Variants in ZFR observed in about 807,000 individuals in gnomAD.
The protein encoded by ZFR is zinc finger RNA-binding protein.
In ZFR, 19 loss-of-function variants were observed where a neutral mutation model predicts 130.7. That is an observed-to-expected ratio of 0.15 (90% CI 0.10 to 0.21). The LOEUF (loss-of-function observed/expected upper bound fraction) is 0.21. Among genes scored for constraint, ZFR ranks in the 10% least tolerant of loss-of-function variants. ZFR has a pLI of 1.00. For synonymous variants in ZFR, 466 were observed against 456.9 expected, an observed-to-expected ratio of 1.02 and a Z score of -0.25; for missense variants, 872 against 1,321.5, an observed-to-expected ratio of 0.66 and a Z score of 5.27.
intron 12 of ZFR, among the ~76,000 whole-genome samples, chr5:32,389,922 G>C (rs1036200316): frequency 6.6e-6 from 1 of 152,192 alleles, no homozygotes. Context: ...AGGCCCAGGC[G>C]GACGGATCTC....
At chr5:32,387,374 A>C (rs1309863529) in intron 14 of ZFR, among the ~76,000 whole-genome samples, 175 bp downstream of exon 14, 1 of 152,206 alleles carries the variant, frequency 6.6e-6, no homozygotes, top group Non-Finnish European at 1.5e-5. Context: ...AAACCTAAAA[A>C]AGATGAAGTA....
intron 4 of ZFR, among the ~76,000 whole-genome samples, chr5:32,416,380 C>T (rs951406906): frequency 3.3e-5 from 5 of 151,982 alleles, no homozygotes; most frequent in East Asian, 1.9e-4. Flanking sequence ...TTTGGGAGGC[C>T]GAAGCGGGCA....
intron 15 of ZFR, 50 bp downstream of exon 15, chr5:32,385,458 A>T: frequency 6.3e-7 from 1 of 1,598,766 alleles, no homozygotes; most frequent in Non-Finnish European, 8.5e-7. Flanking sequence ...AAGAGTAGAT[A>T]AATGAAAAAA....
chr5:32,402,588 GA>G (rs1320282436), intron 8 of ZFR, among the ~76,000 whole-genome samples: 1 of 147,196 alleles, frequency 6.8e-6, no homozygotes, highest in Admixed American at 6.8e-5. Context: ...GCAATGTGGT[GA>G]AACCCCATCT....
chr5:32,415,521 C>CGCGT (rs1561908452), intron 4 of ZFR, among the ~76,000 whole-genome samples: 3 of 71,680 alleles, frequency 4.2e-5, no homozygotes, highest in Admixed American at 1.4e-4. Context: ...TGTGTGCGCG[C>CGCGT]GCGCGCGCGC....
rs10713101 is a variant in ZFR, at chr5:32,368,244, TCC to T, written c.2836-3971_2836-3970del. Among the ~76,000 whole-genome samples the T allele has an allele frequency of 7.9e-3, 1,207 of 152,036 alleles. 16 individuals are homozygous for T. The highest frequency in any genetic ancestry group is 0.027 in the African/African-American group (1,129 of 41,450). ...ATGGCAAACTGCATCAAAACTTTTT[TCC>T]CCCCCCAACAAGAGACGGAGTTTCA... is the stretch of plus-strand genomic sequence containing the variant. On this transcript the variant is annotated intron_variant, in intron 17 of 19. Coordinates refer to ENST00000265069, the MANE Select transcript of ZFR (RefSeq NM_016107.5).
chr5:32,384,405 T>C (rs1464585439), intron 15 of ZFR, among the ~76,000 whole-genome samples: 2 of 152,276 alleles, frequency 1.3e-5, no homozygotes, highest in African/African-American at 2.4e-5. Flanking sequence ...TATGTAAAAT[T>C]AGACATAGCT....
intron 10 of ZFR, among the ~76,000 whole-genome samples, chr5:32,396,414 T>C (rs1038311693): frequency 6.6e-6 from 1 of 152,144 alleles, no homozygotes; most frequent in African/African-American, 2.4e-5. Context: ...ACAGAAAACA[T>C]GGATCTAGTA....
intron 19 of ZFR, among the ~76,000 whole-genome samples, chr5:32,358,332 G>C: frequency 6.6e-6 from 1 of 152,204 alleles, no homozygotes; most frequent in Non-Finnish European, 1.5e-5. Flanking sequence ...AATCCAGCCT[G>C]GGTGACAGAG....
intron 9 of ZFR, 65 bp from the exon 10 acceptor site, chr5:32,397,403 C>T: frequency 2.6e-6 from 4 of 1,562,812 alleles, no homozygotes; most frequent in East Asian, 2.3e-5. Flanking sequence ...TAAACCCCCA[C>T]ATATTATTTG....
chr5:32,415,032 C>G lies in ZFR; in HGVS notation c.721G>C (p.Ala241Pro). The G allele has an allele frequency of 2.5e-6, 4 of 1,614,112 alleles. No individual in the cohort carries two copies. ...TGAGTATAGGATGGCACCACAGTAG[C>G]CGCAGCTGCTACTGGCTGTACGGTG... The part of the protein sequence containing the change: ...SSTVQPVAAA[A>P]TVVPSYTQSA... Residue 241 changes from alanine (A) to proline (P), a missense_variant, in exon 5 of 20, where the codon GCT (alanine) becomes CCT (proline). Physicochemically the swap from Ala to Pro is conservative, Grantham distance 27. Transcript: ENST00000265069.
intron 5 of ZFR, among the ~76,000 whole-genome samples, chr5:32,408,274 G>A (rs1332722892): frequency 6.8e-6 from 1 of 146,214 alleles, no homozygotes; most frequent in Non-Finnish European, 1.5e-5. Context: ...AAACTACACT[G>A]TGTCTGGCAT....
At position 32,429,962 on chromosome 5, in the gene ZFR, G is replaced by A. The variant is rs1305035069; in HGVS notation, c.138-9859C>T. 6.6e-5 allele frequency among the ~76,000 whole-genome samples: 10 copies of A among 151,554 alleles called. 1 individual carries two copies. The highest frequency in any genetic ancestry group is 1.5e-5 in the Non-Finnish European group (1 of 67,926). On this transcript the variant is annotated intron_variant, in intron 2 of 19. Transcript: ENST00000265069. Reference sequence around the variant, plus strand: ...GTATGGTGGGGTCCTGAAGGCTGAGGCAGGAGGACTGCTTGAACCCAGGAG... The same window carrying A: ...GTATGGTGGGGTCCTGAAGGCTGAGACAGGAGGACTGCTTGAACCCAGGAG...
chr5:32,365,464 G>A (rs1752521290), intron 17 of ZFR, among the ~76,000 whole-genome samples: 1 of 151,986 alleles, frequency 6.6e-6, no homozygotes, highest in South Asian at 2.1e-4. Flanking sequence ...GAAAAAACCT[G>A]AAAATAATGA....
In ZFR at chr5:32,356,825, C is replaced by T. The variant is rs906451929; in HGVS notation, c.3046-886G>A. ...AAGAACTTTTATTAATCAGTGGGAC[C>T]GCTGAACATATAAAAGTGATGAGTA... is the stretch of plus-strand genomic sequence containing the variant. On this transcript the variant is annotated intron_variant, in intron 19 of 19. Coordinates refer to ENST00000265069, the MANE Select transcript of ZFR (RefSeq NM_016107.5). 5.3e-5 allele frequency among the ~76,000 whole-genome samples: 8 copies of T among 152,172 alleles called. No individual in the cohort carries two copies. In the East Asian group the frequency reaches 5.8e-4, roughly 11 times the overall value.
At chr5:32,425,288 C>T (rs1329664981) in intron 2 of ZFR, among the ~76,000 whole-genome samples, 2 of 152,088 alleles carry the variant, frequency 1.3e-5, no homozygotes, top group African/African-American at 4.8e-5. Flanking sequence ...TTCCTGAGAC[C>T]CTTTCAGGAG....
At chr5:32,378,882 G>A (rs1005298550) in intron 17 of ZFR, among the ~76,000 whole-genome samples, 4 of 149,904 alleles carry the variant, frequency 2.7e-5, no homozygotes, top group Non-Finnish European at 4.4e-5. Flanking sequence ...AAAACACTGT[G>A]AAAACAGCAA....
chr5:32,414,029 G>A (rs562074950), intron 5 of ZFR, among the ~76,000 whole-genome samples: 9 of 151,402 alleles, frequency 5.9e-5, no homozygotes, highest in South Asian at 2.1e-4. Flanking sequence ...TGCTCACACC[G>A]CTCCATTTCT....
At chr5:32,384,755 T>C (rs576833238) in intron 15 of ZFR, among the ~76,000 whole-genome samples, 1 of 152,276 alleles carries the variant, frequency 6.6e-6, no homozygotes, top group African/African-American at 2.4e-5. Context: ...TTTTGAAGCT[T>C]TGAAAATGTT....
Sources: gnomAD v4.1 joint callset for allele counts (sites outside exome capture counted in the v4.1 genomes callset) on GRCh38, gnomAD v4.1.1 for gene constraint, MANE v1.5 for transcripts, NCBI Gene and HGNC (gene_info 2026-07-23, HGNC 2026-07-21) for gene names.